The following NCBP1 variants were observed in gnomAD, a reference collection of about 807,000 sequenced individuals.
NCBP1 encodes the protein nuclear cap-binding protein subunit 1.
NCBP1 carries 16 observed loss-of-function variants against 111.7 expected under a neutral mutation model. The observed-to-expected ratio is 0.14, with a 90% CI of 0.10 to 0.22. The LOEUF (loss-of-function observed/expected upper bound fraction) is 0.22. Ranked by LOEUF, NCBP1 falls within the 10% of genes least tolerant of loss-of-function variation. The pLI is 1.00. For synonymous variants in NCBP1, 304 were observed against 314.3 expected (o/e 0.97, Z 0.35); for missense variants, 607 against 957.5 (o/e 0.63, Z 4.83).
intron 18 of NCBP1, among the ~76,000 whole-genome samples, chr9:97,663,254 C>T (rs1354845643): frequency 2.0e-5 from 3 of 152,074 alleles, no homozygotes; most frequent in Non-Finnish European, 4.4e-5. Flanking sequence ...TGGTTTTGAA[C>T]TATAATATCT....
intron 1 of NCBP1, among the ~76,000 whole-genome samples, chr9:97,639,487 G>A (rs1389049565): frequency 1.3e-5 from 2 of 152,168 alleles, no homozygotes. Flanking sequence ...TATGAACTTT[G>A]TAACAATAAT....
At chr9:97,663,921 G>A (rs562621313) in intron 18 of NCBP1, among the ~76,000 whole-genome samples, 1 of 151,966 alleles carries the variant, frequency 6.6e-6, no homozygotes, top group African/African-American at 2.4e-5. Context: ...GCTCTTACCT[G>A]TAATCCTAGC....
chr9:97,642,295 G>A (rs1827225343), intron 3 of NCBP1, among the ~76,000 whole-genome samples: 1 of 152,056 alleles, frequency 6.6e-6, no homozygotes, highest in Non-Finnish European at 1.5e-5. Context: ...TTTGTTTAAG[G>A]CTGAACTTGT....
chr9:97,664,392 C>T lies in NCBP1; in HGVS notation c.1850C>T (p.Ala617Val), dbSNP rs767122222. The change falls in exon 19 of 23, where the codon GCT becomes GTT. Residue 617 changes from alanine to valine, a missense_variant. Ala to Val is a moderately conservative substitution (Grantham distance 64). Transcript: ENST00000375147. ...KMIRTQIVDC[A>V]AVANWIFSSE... ...ATTCGTACACAAATAGTTGATTGTG[C>T]TGCCGTAGCAAATTGGATCTTCTCT... 1.9e-6 allele frequency: 3 copies of T among 1,612,760 alleles called. No individual in the cohort carries two copies.
At chr9:97,654,332 T>G (rs1218675686) in intron 11 of NCBP1, among the ~76,000 whole-genome samples, 4 of 152,192 alleles carry the variant, frequency 2.6e-5, no homozygotes, top group Non-Finnish European at 5.9e-5. Context: ...CATTCAGCAG[T>G]GTTCACAAGG....
rs1202748355 is a variant in NCBP1, at chr9:97,672,305, A to G, written c.*1106A>G. 6.6e-6 allele frequency: 1 copy of G among 152,230 alleles called. No homozygotes were observed. The highest frequency in any genetic ancestry group is 1.5e-5 in the Non-Finnish European group (1 of 68,036). 9.4% of individuals were successfully genotyped at this position (152,230 alleles called of 1,614,324 possible). On this transcript the variant is annotated 3_prime_UTR_variant, in exon 23 of 23. Transcript: ENST00000375147. The stretch of plus-strand genomic sequence containing the variant: ...TGTTGTGCATTTGCACAAAATAGGT[A>G]TAATTTTTTCTTATTACATCCCAAG...
intron 1 of NCBP1, chr9:97,636,132 C>T (rs1827018945): frequency 6.6e-6 from 1 of 152,250 alleles, no homozygotes; most frequent in East Asian, 1.9e-4. Context: ...AGATACAATT[C>T]ATGTTTGATA....
chr9:97,637,645 C>T (rs971623171), intron 1 of NCBP1, among the ~76,000 whole-genome samples: 24 of 152,028 alleles, frequency 1.6e-4, no homozygotes, highest in African/African-American at 5.8e-4. Context: ...TTTAAGTCTG[C>T]GGGCTCAAGG....
chr9:97,648,759 C>T (rs1312938086), intron 8 of NCBP1, among the ~76,000 whole-genome samples: 10 of 151,980 alleles, frequency 6.6e-5, no homozygotes, highest in Non-Finnish European at 7.4e-5. Context: ...CTTTGTTGCC[C>T]AGGCTGCAGG....
chr9:97,656,155 G>C, intron 14 of NCBP1, 70 bp downstream of exon 14: 1 of 1,234,912 alleles, frequency 8.1e-7, no homozygotes, highest in South Asian at 1.3e-5. Flanking sequence ...CACTTGTGAT[G>C]TGTGTTCAGA....
chr9:97,635,815 GTTCTT>G (rs1364564208), intron 1 of NCBP1: 5 of 152,074 alleles, frequency 3.3e-5, no homozygotes, highest in African/African-American at 1.2e-4. Context: ...TGAGTCTTTT[GTTCTT>G]TTCTTTGTTG....
At chr9:97,662,681 T>C (rs572989734) in intron 17 of NCBP1, among the ~76,000 whole-genome samples, 1 of 152,318 alleles carries the variant, frequency 6.6e-6, no homozygotes, top group Non-Finnish European at 1.5e-5. Context: ...TATTTCACCA[T>C]GTTTGAAGAC....
At chr9:97,645,276 A>G in intron 5 of NCBP1, 52 bp downstream of exon 5, 1 of 1,363,162 alleles carries the variant, frequency 7.3e-7, no homozygotes, top group Non-Finnish European at 1.0e-6. Context: ...GGGTTACTGA[A>G]TCCTGGTACT....
chr9:97,639,589 C>T (rs888135458), intron 1 of NCBP1, among the ~76,000 whole-genome samples: 6 of 152,050 alleles, frequency 3.9e-5, no homozygotes, highest in South Asian at 2.1e-4. Context: ...TTATTAATAC[C>T]GATTCCCTGC....
chr9:97,653,208 C>T (rs1398348211), intron 10 of NCBP1, among the ~76,000 whole-genome samples: 1 of 151,380 alleles, frequency 6.6e-6, no homozygotes, highest in Non-Finnish European at 1.5e-5. Context: ...GCAACCTCCG[C>T]CTCCTGGGTT....
At chr9:97,634,594 G>A (rs928710822) in intron 1 of NCBP1, 3 of 152,154 alleles carry the variant, frequency 2.0e-5, no homozygotes, top group Non-Finnish European at 4.4e-5. Context: ...GATTGTGCTC[G>A]TGGAGATCAG....
intron 8 of NCBP1, among the ~76,000 whole-genome samples, chr9:97,650,149 C>G (rs1162453288): frequency 1.3e-5 from 2 of 152,094 alleles, no homozygotes; most frequent in African/African-American, 2.4e-5. Flanking sequence ...ATAGAATTTT[C>G]TCTCTGCATA....
intron 19 of NCBP1, among the ~76,000 whole-genome samples, chr9:97,665,067 C>G (rs1438546833): frequency 1.3e-5 from 2 of 152,148 alleles, no homozygotes; most frequent in African/African-American, 2.4e-5. Flanking sequence ...GGAGTTGACA[C>G]AAAGCAGGAA....
At position 97,650,490 on chromosome 9, in the gene NCBP1, G is replaced by A; in HGVS notation, c.898-13G>A. 1.2e-6 allele frequency: 2 copies of A among 1,606,126 alleles called. No individual in the cohort carries two copies. The highest frequency in any genetic ancestry group is 2.2e-5 in the East Asian group (1 of 44,748). ...TCTAGGCCTGTAGTGTACACATTTG[G>A]TTTTCTTTCCAGGGTCCTGTCATGC... On this transcript the variant is annotated splice_polypyrimidine_tract_variant and intron_variant, in intron 8 of 22. Coordinates refer to ENST00000375147, the MANE Select transcript of NCBP1 (RefSeq NM_002486.5).
Sources: gnomAD v4.1 joint callset for allele counts (sites outside exome capture counted in the v4.1 genomes callset) on GRCh38, gnomAD v4.1.1 for gene constraint, MANE v1.5 for transcripts, NCBI Gene and HGNC (gene_info 2026-07-23, HGNC 2026-07-21) for gene names.